C1orf141: variants seen among roughly 807,000 people sequenced by gnomAD.
The protein encoded by C1orf141 is uncharacterized protein C1orf141.
In C1orf141, 19 loss-of-function variants were observed where a neutral mutation model predicts 23.2. The observed-to-expected ratio is 0.82, with a 90% CI of 0.57 to 1.20. C1orf141 has a LOEUF of 1.20. C1orf141 is among the 50% of genes most tolerant of loss of function. C1orf141 has a pLI of 0.00. For missense variants in C1orf141, 469 were observed against 455.1 expected (o/e 1.03, Z -0.28); for synonymous variants, 153 against 154.6 (o/e 0.99, Z 0.08).
chr1:67,106,278 A>G (rs1291890896), intron 5 of C1orf141, among the ~76,000 whole-genome samples: 1 of 152,160 alleles, frequency 6.6e-6, no homozygotes, highest in East Asian at 1.9e-4. Flanking sequence ...TGTTAACATA[A>G]AAGATAACCC....
chr1:67,120,544 G>A (rs1354970370), intron 4 of C1orf141, among the ~76,000 whole-genome samples: 1 of 152,090 alleles, frequency 6.6e-6, no homozygotes, highest in African/African-American at 2.4e-5. Context: ...GTTTTGGGAG[G>A]TGCAGCCTTT....
At chr1:67,136,248 C>T (rs550583193), upstream of C1orf141, among the ~76,000 whole-genome samples, 4 of 151,996 alleles carry the variant, frequency 2.6e-5, no homozygotes, top group Admixed American at 6.6e-5. Flanking sequence ...ACTATGTTGC[C>T]CAGGCTAGTC....
At chr1:67,140,318 T>C (rs1369284536) in intron 1 of C1orf141, among the ~76,000 whole-genome samples, 1 of 152,150 alleles carries the variant, frequency 6.6e-6, no homozygotes, top group Non-Finnish European at 1.5e-5. Flanking sequence ...GTAAGATAGG[T>C]TAAACTTGGA....
intron 5 of C1orf141, among the ~76,000 whole-genome samples, chr1:67,109,070 GT>G (rs1186282366): frequency 4.6e-5 from 7 of 152,118 alleles, no homozygotes; most frequent in Non-Finnish European, 7.4e-5. Flanking sequence ...GCTCATGCCT[GT>G]AATCCCAGCA....
intron 5 of C1orf141, among the ~76,000 whole-genome samples, chr1:67,109,619 A>C (rs1646021426): frequency 6.6e-6 from 1 of 152,208 alleles, no homozygotes; most frequent in African/African-American, 2.4e-5. Flanking sequence ...AGCATGAATC[A>C]AACTGCTGGG....
chr1:67,139,937 A>G (rs913930947), upstream of C1orf141, among the ~76,000 whole-genome samples: 5 of 152,100 alleles, frequency 3.3e-5, no homozygotes, highest in African/African-American at 7.2e-5. Context: ...TTATCATGGG[A>G]GTGGGATTGG....
Position 67,093,585 on chromosome 1 carries a change from G to A in C1orf141, c.623C>T (p.Pro208Leu). ...TSHMEQKDTNPIIFHDTEYVR... is the reference protein window; with the variant it reads ...TSHMEQKDTNLIIFHDTEYVR... ...ATATTCTGTGTCATGGAAAATTATGGGATTTGTGTCCTTTTGTTCCTGTAG... is the reference window on the plus strand; with the variant it reads ...ATATTCTGTGTCATGGAAAATTATGAGATTTGTGTCCTTTTGTTCCTGTAG... The change falls in exon 8 of 8, where the codon CCC becomes CTC. Residue 208 changes from proline to leucine, a missense_variant. Around this residue, in one of 3 missense-constraint regions of C1orf141, gnomAD observed 370 missense variants for 348.1 expected, o/e 1.06. Coordinates refer to ENST00000684719, the MANE Select transcript of C1orf141 (RefSeq NM_001276351.2). 2 of 1,563,462 alleles carry A rather than the reference G, an allele frequency of 1.3e-6. No homozygotes were observed.
At position 67,103,361 on chromosome 1, in the gene C1orf141, T is replaced by A. The variant is rs1361434333; in HGVS notation, c.347-7040A>T. The stretch of plus-strand genomic sequence containing the variant: ...TGTCTATGCTGTGAATATAGAACAT[T>A]CAAAGGCCCTGCATTTTCCATCTAA... On this transcript the variant is annotated intron_variant, in intron 5 of 7. Coordinates refer to ENST00000684719, the MANE Select transcript of C1orf141 (RefSeq NM_001276351.2). 3.5e-6 allele frequency: 5 copies of A among 1,412,390 alleles called. No individual in the cohort carries two copies. The African/African-American group carries it at 5.7e-5, about 16-fold the overall frequency. The allele number at this position is 1,412,390 out of a possible 1,614,324, so 87.5% of individuals were successfully genotyped here.
rs57508145 is a variant in C1orf141 at position 67,102,307 on chromosome 1, C to CGTGTGTGT, written c.347-5994_347-5987dup. Among the ~76,000 whole-genome samples, 656 of 139,672 alleles carry CGTGTGTGT rather than the reference C, an allele frequency of 4.7e-3. 8 individuals are homozygous for CGTGTGTGT. The highest frequency in any genetic ancestry group is 0.017 in the African/African-American group (626 of 37,374). 91.6% of individuals were successfully genotyped at this position (139,672 alleles called of 152,430 possible). ...CTCTAGGAAGATGAATCTTCTGCTC[C>CGTGTGTGT]GTGTGTGTGTGTGTGTGTGTGTGTG... On this transcript the variant is annotated intron_variant, in intron 5 of 7. Transcript: ENST00000684719.
intron 3 of C1orf141, among the ~76,000 whole-genome samples, chr1:67,126,142 G>A (rs752242969): frequency 2.0e-5 from 3 of 148,420 alleles, no homozygotes; most frequent in African/African-American, 7.9e-5. Flanking sequence ...TGTAAAATGT[G>A]GGGGTAGGAC....
chr1:67,103,304 A>G, intron 5 of C1orf141: 1 of 1,493,662 alleles, frequency 6.7e-7, no homozygotes, highest in Non-Finnish European at 9.0e-7. Flanking sequence ...ATAGGAGAAA[A>G]GTCTGTAGAA....
At position 67,095,397 on chromosome 1, in the gene C1orf141, A is replaced by G. The variant is rs761013725; in HGVS notation, c.441T>C (p.Asp147=). 3.4e-5 allele frequency: 53 copies of G among 1,550,910 alleles called. No individual in the cohort carries two copies. The highest frequency in any genetic ancestry group is 4.3e-5 in the Non-Finnish European group (49 of 1,140,740). ...NKRKKSPQMN[D]FNIKENKSVR... ...CCGATTTGTTTTCTTTTATATTAAA[A>G]TCGTTCATCTGTGGAGATTTTTTTC... The change falls in exon 7 of 8, where the codon GAT becomes GAC. Residue 147 remains aspartate, a synonymous_variant. Transcript: ENST00000684719.
chr1:67,131,786 CTT>C (rs796496335), intron 1 of C1orf141, among the ~76,000 whole-genome samples: 9 of 121,500 alleles, frequency 7.4e-5, no homozygotes, highest in Admixed American at 2.6e-4. Flanking sequence ...ACTACCTCTT[CTT>C]TTTTTTTTTT....
chr1:67,132,278 A>G (rs7518757), intron 1 of C1orf141, among the ~76,000 whole-genome samples: 132,496 of 151,718 alleles, frequency 0.87, 57,921 homozygotes, highest in East Asian at 1. Flanking sequence ...CCAGCACTTC[A>G]GGAAGCTGAG....
intron 5 of C1orf141, among the ~76,000 whole-genome samples, chr1:67,104,056 T>C (rs1645866836): frequency 1.3e-5 from 2 of 152,090 alleles, no homozygotes; most frequent in African/African-American, 4.8e-5. Flanking sequence ...AAAAATAAGG[T>C]ATATGACAAA....
At chr1:67,114,056 C>A (rs897838173) in intron 5 of C1orf141, among the ~76,000 whole-genome samples, 1 of 152,084 alleles carries the variant, frequency 6.6e-6, no homozygotes, top group Admixed American at 6.5e-5. Flanking sequence ...TAGAAAAAAA[C>A]AAAAAGCTGA....
intron 5 of C1orf141, among the ~76,000 whole-genome samples, chr1:67,107,567 G>C (rs1645959159): frequency 6.6e-6 from 1 of 152,154 alleles, no homozygotes; most frequent in South Asian, 2.1e-4. Context: ...GCATAAGAAG[G>C]CTGCAGTGGT....
chr1:67,108,636 T>G (rs2092911), intron 5 of C1orf141, among the ~76,000 whole-genome samples: 133,634 of 151,776 alleles, frequency 0.88, 59,001 homozygotes, highest in East Asian at 0.97. Context: ...GCTGAGGCAG[T>G]AGAATCACTG....
chr1:67,092,905 A>G lies in C1orf141; in HGVS notation c.*100T>C, dbSNP rs1645582797. The G allele has an allele frequency of 1.1e-6, 1 of 915,462 alleles. No individual in the cohort carries two copies. Among genetic ancestry groups the G allele is most frequent in the Non-Finnish European group, 1.6e-6 (1 of 608,176 alleles). 56.7% of individuals were successfully genotyped at this position (915,462 alleles called of 1,614,324 possible). On this transcript the variant is annotated 3_prime_UTR_variant, in exon 8 of 8. Coordinates refer to ENST00000684719, the MANE Select transcript of C1orf141 (RefSeq NM_001276351.2). ...TGTCTATGCTTTGCTTTCTTATATG[A>G]TCAATTAGAACATTACTATTTGGAT...
Sources: allele counts gnomAD v4.1 joint callset (sites outside exome capture counted in the v4.1 genomes callset), GRCh38; gene constraint gnomAD v4.1.1; regional missense constraint gnomAD v4.1.1; transcripts MANE v1.5; gene names NCBI Gene and HGNC (gene_info 2026-07-23, HGNC 2026-07-21).